The following HDAC9 variants were observed in gnomAD, a reference collection of about 807,000 sequenced individuals.
HDAC9 encodes the protein histone deacetylase 9, also known as MEF-2 interacting transcription repressor (MITR) protein.
In HDAC9, 41 loss-of-function variants were observed where a neutral mutation model predicts 139.4. The observed-to-expected ratio is 0.29, with a 90% confidence interval of 0.23 to 0.38. HDAC9 has a LOEUF of 0.38. Ranked by LOEUF, HDAC9 falls within the 10% of genes least tolerant of loss-of-function variation. The pLI is 1.00. For synonymous variants in HDAC9, 517 were observed against 476.2 expected (o/e 1.09, Z -1.12); for missense variants, 1,147 against 1,297.0 (o/e 0.88, Z 1.78).
At chr7:18,658,041 C>A (rs745809936) in intron 11 of HDAC9, among the ~76,000 whole-genome samples, 1 of 152,062 alleles carries the variant, frequency 6.6e-6, no homozygotes, top group African/African-American at 2.4e-5. Flanking sequence ...CGTCTTCTCA[C>A]GGTTTGATTG....
chr7:18,559,497 C>A (rs911135294), intron 2 of HDAC9, among the ~76,000 whole-genome samples: 6 of 152,178 alleles, frequency 3.9e-5, no homozygotes. Flanking sequence ...ACAAGCAAGC[C>A]TGAACCATCC....
intron 21 of HDAC9, among the ~76,000 whole-genome samples, chr7:18,865,185 T>G (rs4379362): frequency 6.6e-6 from 1 of 152,306 alleles, no homozygotes; most frequent in South Asian, 2.1e-4. Context: ...TGGGCCCCTC[T>G]GAGGAGGCCA....
intron 1 of HDAC9, among the ~76,000 whole-genome samples, chr7:18,428,286 A>G (rs1311827928): frequency 6.6e-6 from 1 of 152,208 alleles, no homozygotes; most frequent in Admixed American, 6.5e-5. Context: ...GTGTGCAACA[A>G]ACTGAAAAGC....
At chr7:18,184,851 CAG>C (rs1269071455) in intron 2 of HDAC9, among the ~76,000 whole-genome samples, 3 of 152,114 alleles carry the variant, frequency 2.0e-5, no homozygotes, top group Admixed American at 6.6e-5. Context: ...GCTATTGTAT[CAG>C]AGTCACATTT....
At chr7:18,782,117 T>G (rs1791291974) in intron 16 of HDAC9, among the ~76,000 whole-genome samples, 1 of 152,076 alleles carries the variant, frequency 6.6e-6, no homozygotes, top group South Asian at 2.1e-4. Flanking sequence ...AAATGCCCTG[T>G]GGCCCTAGCG....
At chr7:18,553,906 C>G (rs750614324) in intron 2 of HDAC9, among the ~76,000 whole-genome samples, 14 of 152,112 alleles carry the variant, frequency 9.2e-5, no homozygotes, top group Non-Finnish European at 1.2e-4. Flanking sequence ...TCTTTATCCT[C>G]AAGGGACTTA....
chr7:18,903,990 G>T (rs1563041485), intron 22 of HDAC9, among the ~76,000 whole-genome samples: 1 of 152,116 alleles, frequency 6.6e-6, no homozygotes, highest in Non-Finnish European at 1.5e-5. Flanking sequence ...TGCTGGCTAC[G>T]ATTGGGAACA....
chr7:18,265,240 T>C (rs1404240789), intron 2 of HDAC9, among the ~76,000 whole-genome samples: 2 of 152,206 alleles, frequency 1.3e-5, no homozygotes, highest in East Asian at 3.8e-4. Flanking sequence ...TTCAATTGAA[T>C]TGATGCACTT....
intron 2 of HDAC9, among the ~76,000 whole-genome samples, chr7:18,568,026 G>GTGTGTATA (rs1384273199): frequency 7.9e-6 from 1 of 126,814 alleles, no homozygotes; most frequent in Non-Finnish European, 1.6e-5. Flanking sequence ...ATATGTATAT[G>GTGTGTATA]TATATATATA....
intron 23 of HDAC9, among the ~76,000 whole-genome samples, chr7:18,945,814 G>A (rs914133321): frequency 6.6e-5 from 10 of 151,638 alleles, no homozygotes; most frequent in African/African-American, 9.7e-5. Flanking sequence ...CAAGGTGGGC[G>A]AATCACGAGG....
chr7:18,574,079 T>C (rs1633982), intron 2 of HDAC9, among the ~76,000 whole-genome samples: 72,282 of 152,162 alleles, frequency 0.48, 17,732 homozygotes, highest in East Asian at 0.6. Context: ...GCTTCACTGA[T>C]TGGCAGAACA....
chr7:18,348,030 C>T (rs1782558954), intron 1 of HDAC9, among the ~76,000 whole-genome samples: 3 of 152,124 alleles, frequency 2.0e-5, no homozygotes, highest in Non-Finnish European at 1.5e-5. Flanking sequence ...AGTTGAAAGA[C>T]GGATCATGCA....
chr7:18,755,037 A>C (rs1467436855), intron 14 of HDAC9, among the ~76,000 whole-genome samples: 1 of 151,508 alleles, frequency 6.6e-6, no homozygotes, highest in African/African-American at 2.4e-5. Flanking sequence ...CTTAGTTTGC[A>C]AAAAAAAATT....
intron 22 of HDAC9, among the ~76,000 whole-genome samples, chr7:18,880,097 C>T (rs1171694384): frequency 6.6e-6 from 1 of 152,002 alleles, no homozygotes; most frequent in Admixed American, 6.6e-5. Flanking sequence ...GCGATCAAAG[C>T]CACAATGAGA....
chr7:18,299,081 G>T (rs1798349217), intron 1 of HDAC9, among the ~76,000 whole-genome samples: 2 of 152,090 alleles, frequency 1.3e-5, no homozygotes, highest in South Asian at 4.1e-4. Flanking sequence ...GTTGAAAAAT[G>T]AATTAAGATG....
intron 2 of HDAC9, among the ~76,000 whole-genome samples, chr7:18,239,676 A>G (rs1030414532): frequency 1.3e-5 from 2 of 152,190 alleles, no homozygotes; most frequent in African/African-American, 4.8e-5. Context: ...GAAATACGTG[A>G]TAAATTTTAG....
chr7:18,744,014 T>TTG (rs1374280361), intron 13 of HDAC9, among the ~76,000 whole-genome samples: 1 of 139,284 alleles, frequency 7.2e-6, no homozygotes, highest in Non-Finnish European at 1.5e-5. Flanking sequence ...TACTACTAGT[T>TTG]TTTTTTTTTT....
At chr7:18,968,434 TAGAG>T (rs897202361) in intron 24 of HDAC9, among the ~76,000 whole-genome samples, 194 of 152,068 alleles carry the variant, frequency 1.3e-3, no homozygotes, top group African/African-American at 4.5e-3. Flanking sequence ...CAGATAGAGA[TAGAG>T]AGATATATGA....
At chr7:18,847,896 T>A (rs1199894160) in intron 21 of HDAC9, among the ~76,000 whole-genome samples, 2 of 152,208 alleles carry the variant, frequency 1.3e-5, no homozygotes, top group Admixed American at 1.3e-4. Flanking sequence ...CTGCCCTATT[T>A]ATCACCTCTG....
Sources: allele counts gnomAD v4.1 joint callset (sites outside exome capture counted in the v4.1 genomes callset), GRCh38; gene constraint gnomAD v4.1.1; transcripts MANE v1.5; gene names NCBI Gene and HGNC (gene_info 2026-07-23, HGNC 2026-07-21).